Variants in RALGPS2 observed in about 807,000 individuals in gnomAD.
The protein encoded by RALGPS2 is ras-specific guanine nucleotide-releasing factor RalGPS2.
In RALGPS2, 43 loss-of-function variants were observed where a neutral mutation model predicts 86.8. That is an observed-to-expected ratio of 0.50 (90% CI 0.39 to 0.64). RALGPS2 has a LOEUF of 0.64. RALGPS2 is among the 30% of genes least tolerant of loss of function. RALGPS2 has a pLI of 0.00. For missense variants in RALGPS2, 536 were observed against 694.6 expected (o/e 0.77, Z 2.57); for synonymous variants, 243 against 231.3 (o/e 1.05, Z -0.46).
At chr1:178,819,205 C>T (rs545220564) in intron 6 of RALGPS2, among the ~76,000 whole-genome samples, 36 of 151,996 alleles carry the variant, frequency 2.4e-4, no homozygotes, top group African/African-American at 8.2e-4. Flanking sequence ...GTTGCCCAGG[C>T]TGTTCATGAA....
chr1:178,779,781 T>C (rs2102115201), intron 2 of RALGPS2, among the ~76,000 whole-genome samples: 1 of 152,376 alleles, frequency 6.6e-6, no homozygotes, highest in East Asian at 1.9e-4. Flanking sequence ...TTGCCCAGGC[T>C]GGAGTGCAGT....
intron 8 of RALGPS2, among the ~76,000 whole-genome samples, chr1:178,857,586 T>G (rs1657674015): frequency 6.6e-6 from 1 of 152,190 alleles, no homozygotes. Flanking sequence ...CCTATTAGTA[T>G]TATAGTTAAT....
chr1:178,770,907 C>T (rs529302051), intron 1 of RALGPS2, among the ~76,000 whole-genome samples: 243 of 147,314 alleles, frequency 1.6e-3, no homozygotes, highest in African/African-American at 6.0e-3. Flanking sequence ...GGCACTATCT[C>T]GGTTCACTGC....
At chr1:178,798,286 A>G (rs1054692052) in intron 4 of RALGPS2, among the ~76,000 whole-genome samples, 1 of 152,100 alleles carries the variant, frequency 6.6e-6, no homozygotes. Flanking sequence ...TTTTGTAACC[A>G]CCTCGCGTTG....
At chr1:178,788,782 T>TTTCTC (rs1222810683) in intron 4 of RALGPS2, among the ~76,000 whole-genome samples, 3 of 152,050 alleles carry the variant, frequency 2.0e-5, no homozygotes, top group African/African-American at 4.8e-5. Flanking sequence ...CGCTCTTTTT[T>TTTCTC]TTCTCTTCTC....
At chr1:178,770,651 A>G (rs148751159) in intron 1 of RALGPS2, among the ~76,000 whole-genome samples, 3,254 of 147,636 alleles carry the variant, frequency 0.022, 42 homozygotes, top group Middle Eastern at 0.053. Flanking sequence ...AAATTTTTGT[A>G]TTTTTAGTAG....
intron 13 of RALGPS2, among the ~76,000 whole-genome samples, chr1:178,887,971 A>G (rs1219943908): frequency 6.6e-6 from 1 of 152,148 alleles, no homozygotes; most frequent in African/African-American, 2.4e-5. Flanking sequence ...CAAGTATATA[A>G]TATTTTACTC....
At chr1:178,774,193 T>C (rs2102097746) in intron 1 of RALGPS2, among the ~76,000 whole-genome samples, 1 of 152,196 alleles carries the variant, frequency 6.6e-6, no homozygotes, top group Admixed American at 6.5e-5. Flanking sequence ...GAGAATTGCT[T>C]GAACCTGGGA....
At chr1:178,742,600 A>G (rs1651098084) in intron 1 of RALGPS2, among the ~76,000 whole-genome samples, 1 of 152,232 alleles carries the variant, frequency 6.6e-6, no homozygotes, top group African/African-American at 2.4e-5. Flanking sequence ...ACTGTCAACC[A>G]ATTTTACTTA....
Position 178,766,701 on chromosome 1 carries a change from G to A in RALGPS2, c.-83-9981G>A, listed in dbSNP as rs115200460. The stretch of plus-strand genomic sequence containing the variant: ...CATTTTTTCTTTCATTTTGACCTTG[G>A]AGAATCGGATGACTGTGTGTCTTGG... On this transcript the variant is annotated intron_variant, in intron 1 of 19. Coordinates refer to ENST00000367635, the MANE Select transcript of RALGPS2 (RefSeq NM_152663.5). 6.1e-3 allele frequency among the ~76,000 whole-genome samples: 923 copies of A among 152,254 alleles called. 10 individuals carry two copies. The highest frequency in any genetic ancestry group is 0.021 in the African/African-American group (882 of 41,524).
At chr1:178,858,566 A>G (rs533588437) in intron 8 of RALGPS2, among the ~76,000 whole-genome samples, 35 of 152,198 alleles carry the variant, frequency 2.3e-4, no homozygotes, top group Non-Finnish European at 4.3e-4. Flanking sequence ...AGTCTTCTCA[A>G]AGCAGGCAAC....
At chr1:178,911,769 T>TAGTTTTCTGCCTC (rs1660636622) in intron 19 of RALGPS2, among the ~76,000 whole-genome samples, 1 of 152,228 alleles carries the variant, frequency 6.6e-6, no homozygotes, top group Non-Finnish European at 1.5e-5. Context: ...ACATTTTTGT[T>TAGTTTTCTGCCTC]AGTTTTCTGC....
chr1:178,833,855 G>A (rs148664942), intron 8 of RALGPS2, among the ~76,000 whole-genome samples: 2 of 152,054 alleles, frequency 1.3e-5, no homozygotes, highest in Non-Finnish European at 2.9e-5. Context: ...ATAATAGTTC[G>A]TAATGATGTT....
chr1:178,835,635 C>T (rs558879000), intron 8 of RALGPS2, among the ~76,000 whole-genome samples: 6 of 152,194 alleles, frequency 3.9e-5, no homozygotes, highest in East Asian at 1.9e-4. Context: ...TCAAGTTGTC[C>T]GCCCACCTCA....
At position 178,730,029 on chromosome 1, in the gene RALGPS2, C is replaced by T. The variant is rs1209261844; in HGVS notation, c.-84+4610C>T. 3.3e-5 allele frequency among the ~76,000 whole-genome samples: 5 copies of T among 152,200 alleles called. No homozygotes were observed. The East Asian group carries it at 7.7e-4, about 23-fold the overall frequency. The stretch of plus-strand genomic sequence containing the variant: ...CGATCTTGGCTCATTGCAGCCTCCA[C>T]CTCTTGGGTTCAACTGATTCTCCTG... On this transcript the variant is annotated intron_variant, in intron 1 of 19. Coordinates refer to ENST00000367635, the MANE Select transcript of RALGPS2 (RefSeq NM_152663.5).
chr1:178,814,846 C>T (rs1363854369), intron 6 of RALGPS2, among the ~76,000 whole-genome samples: 1 of 152,196 alleles, frequency 6.6e-6, no homozygotes, highest in East Asian at 1.9e-4. Flanking sequence ...GCTCCACATC[C>T]ATGTCACCAT....
At chr1:178,893,431 A>G (rs893176138) in intron 15 of RALGPS2, among the ~76,000 whole-genome samples, 2 of 151,038 alleles carry the variant, frequency 1.3e-5, no homozygotes, top group African/African-American at 2.4e-5. Flanking sequence ...CTGCTATTTT[A>G]GAATTAAATT....
At chr1:178,736,739 A>C (rs1650730096) in intron 1 of RALGPS2, among the ~76,000 whole-genome samples, 1 of 152,004 alleles carries the variant, frequency 6.6e-6, no homozygotes, top group Non-Finnish European at 1.5e-5. Context: ...TCTCTACAAA[A>C]AAATGCAAAA....
chr1:178,900,225 A>G (rs564017729), intron 17 of RALGPS2, among the ~76,000 whole-genome samples: 62 of 152,102 alleles, frequency 4.1e-4, no homozygotes, highest in Admixed American at 1.2e-3. Flanking sequence ...GTTCATGGCA[A>G]TAAACCCAGA....
Sources: gnomAD v4.1 joint callset for allele counts (sites outside exome capture counted in the v4.1 genomes callset) on GRCh38, gnomAD v4.1.1 for gene constraint, MANE v1.5 for transcripts, NCBI Gene and HGNC (gene_info 2026-07-23, HGNC 2026-07-21) for gene names.